TDRD12: variants seen among roughly 807,000 people sequenced by gnomAD.
TDRD12 encodes tudor domain containing 12.
TDRD12 carries 158 observed loss-of-function variants against 133.5 expected under a neutral mutation model. The ratio of observed to expected loss-of-function variants is 1.18; its 90% CI spans 1.04 to 1.35. The LOEUF (loss-of-function observed/expected upper bound fraction) is 1.35, where lower values mean the gene tolerates loss of function less well. TDRD12 is among the 40% of genes most tolerant of loss of function. The pLI is 0.00. For synonymous variants in TDRD12, 460 were observed against 477.9 expected (o/e 0.96, Z 0.49); for missense variants, 1,443 against 1,321.3 (o/e 1.09, Z -1.43).
chr19:32,806,404 G>A (rs376356899), intron 21 of TDRD12, among the ~76,000 whole-genome samples: 22 of 147,894 alleles, frequency 1.5e-4, no homozygotes, highest in African/African-American at 5.0e-4. Context: ...GTGCAATGGC[G>A]TGATCTCAGC....
intron 8 of TDRD12, among the ~76,000 whole-genome samples, chr19:32,758,193 T>G (rs952694142): frequency 3.3e-5 from 5 of 152,142 alleles, no homozygotes; most frequent in African/African-American, 1.2e-4. Flanking sequence ...GAGAAGAATT[T>G]TATGGAGCGA....
chr19:32,811,962 C>T (rs1451595761), intron 24 of TDRD12, among the ~76,000 whole-genome samples: 1 of 152,214 alleles, frequency 6.6e-6, no homozygotes, highest in Non-Finnish European at 1.5e-5. Flanking sequence ...CAGGAGAGGC[C>T]AGGTGATTCC....
At chr19:32,796,116 T>A in intron 14 of TDRD12, 1 of 984,508 alleles carries the variant, frequency 1.0e-6, no homozygotes, top group Non-Finnish European at 1.2e-6. Flanking sequence ...GCTGCTGGTT[T>A]GTGGCTGTTA....
Position 32,811,113 on chromosome 19 carries a change from G to A in TDRD12, c.2838-97G>A, listed in dbSNP as rs1040167941. ...GTATAGAGTAAAATCATGGCGTTTT[G>A]GAGTCTTTTTATATGTTTTCCATTT... is the stretch of plus-strand genomic sequence containing the variant. On this transcript the variant is annotated intron_variant, in intron 23 of 27. Coordinates refer to ENST00000444215, the Ensembl canonical transcript of TDRD12. 7.3e-6 allele frequency: 7 copies of A among 952,586 alleles called. 1 individual carries two copies. 59.0% of individuals were successfully genotyped at this position (952,586 alleles called of 1,614,324 possible).
At position 32,779,132 on chromosome 19, in the gene TDRD12, G is replaced by T. The variant is rs1298707364; in HGVS notation, c.1121+1903G>T. ...ATAGCCAAGGCAGCCTGGAGGAGAG[G>T]CACCCTTTCCTTAAGGATGGCCAGT... On this transcript the variant is annotated intron_variant, in intron 11 of 27. Transcript: ENST00000444215. Among the ~76,000 whole-genome samples the T allele has an allele frequency of 2.0e-5, 3 of 151,952 alleles. No homozygotes were observed. In the South Asian group the frequency reaches 6.2e-4, roughly 32 times the overall value.
intron 6 of TDRD12, 127 bp downstream of exon 6, chr19:32,749,996 C>A: frequency 1.5e-6 from 1 of 648,998 alleles, no homozygotes; most frequent in African/African-American, 1.8e-5. Flanking sequence ...CTCTTAAGGT[C>A]TATCTTAGAC....
At chr19:32,724,687 G>T (rs917493435) in intron 1 of TDRD12, among the ~76,000 whole-genome samples, 1 of 152,054 alleles carries the variant, frequency 6.6e-6, no homozygotes, top group African/African-American at 2.4e-5. Flanking sequence ...GTGAACATAC[G>T]CATGTATGTC....
chr19:32,741,185 G>T (rs193295128), intron 3 of TDRD12, among the ~76,000 whole-genome samples: 3 of 152,156 alleles, frequency 2.0e-5, no homozygotes, highest in African/African-American at 7.2e-5. Context: ...CAGTTCAAGC[G>T]ATTCTCCTGC....
chr19:32,744,582 C>T (rs1443328086), intron 4 of TDRD12, among the ~76,000 whole-genome samples: 3 of 144,842 alleles, frequency 2.1e-5, no homozygotes, highest in South Asian at 2.2e-4. Context: ...TATATATATA[C>T]GTGTGCCCCG....
At chr19:32,749,063 T>C in intron 5 of TDRD12, among the ~76,000 whole-genome samples, 1 of 152,156 alleles carries the variant, frequency 6.6e-6, no homozygotes, top group Non-Finnish European at 1.5e-5. Context: ...ATAGGGTTGG[T>C]GGATGGGAAA....
chr19:32,793,400 A>G (rs1236073520), intron 13 of TDRD12, among the ~76,000 whole-genome samples: 3 of 152,266 alleles, frequency 2.0e-5, no homozygotes, highest in East Asian at 3.9e-4. Flanking sequence ...AGATGACCAC[A>G]TGGGTTTGCA....
intron 13 of TDRD12, among the ~76,000 whole-genome samples, chr19:32,791,577 G>T (rs900474853): frequency 7.2e-5 from 11 of 152,160 alleles, no homozygotes; most frequent in African/African-American, 2.7e-4. Context: ...AGATTCCACA[G>T]TCTTAGAAGA....
intron 27 of TDRD12, 45 bp downstream of exon 27, chr19:32,818,202 A>T (rs1967251699): frequency 1.5e-6 from 1 of 685,156 alleles, no homozygotes; most frequent in African/African-American, 1.8e-5. Context: ...TGCCAGGGAC[A>T]GGGGGCCATG....
At chr19:32,732,076 T>C (rs1969075118) in intron 2 of TDRD12, among the ~76,000 whole-genome samples, 193 bp downstream of exon 2, 3 of 152,162 alleles carry the variant, frequency 2.0e-5, no homozygotes, top group African/African-American at 7.2e-5. Context: ...CCATCTGGGC[T>C]CACCGCAACC....
At position 32,818,136 on chromosome 19, in the gene TDRD12, C is replaced by G. The variant is rs769227746; in HGVS notation, c.3362C>G (p.Ser1121Cys). 3.1e-5 allele frequency: 22 copies of G among 702,458 alleles called. 1 individual carries two copies. Among genetic ancestry groups the G allele is most frequent in the South Asian group, 3.1e-4 (21 of 67,516 alleles). The allele number at this position is 702,458 out of a possible 1,614,324, so 43.5% of individuals were successfully genotyped here. The change falls in exon 27 of 28, where the codon TCC (serine) becomes TGC (cysteine). Residue 1121 changes from serine to cysteine, a missense_variant. Ser to Cys is a moderately radical substitution (Grantham distance 112, BLOSUM62 -1). Coordinates refer to ENST00000444215, the Ensembl canonical transcript of TDRD12. ...CCTGCTCAAGACCAGGATCATCCAT[C>G]CGAGGAGCAGGGGGGGCAGGGGTGA...
At chr19:32,819,358 G>GT (rs1967299923) in intron 27 of TDRD12, among the ~76,000 whole-genome samples, 1 of 150,990 alleles carries the variant, frequency 6.6e-6, no homozygotes, top group Non-Finnish European at 1.5e-5. Context: ...ATGATCTAAA[G>GT]TTTTTTAGTT....
rs369361487 is a variant in TDRD12, at chr19:32,750,267, ATG to A, written c.582+401_582+402del. On this transcript the variant is annotated intron_variant, in intron 6 of 27. Coordinates refer to ENST00000444215, the Ensembl canonical transcript of TDRD12. The stretch of plus-strand genomic sequence containing the variant: ...CAAGCAGAAAGAAAGCGGACATCAT[ATG>A]TGAGTGGCCCCTACCTCTGCCAGGT... Among the ~76,000 whole-genome samples the A allele has an allele frequency of 3.5e-3, 535 of 152,060 alleles. 2 individuals carry two copies. Among genetic ancestry groups the A allele is most frequent in the African/African-American group, 0.013 (521 of 41,556 alleles).
Position 32,757,159 on chromosome 19 carries a change from T to C in TDRD12, c.865+29T>C, listed in dbSNP as rs1316648956. 5.3e-6 allele frequency: 8 copies of C among 1,501,960 alleles called. No homozygotes were observed. In the Admixed American group the frequency reaches 6.0e-5, roughly 11 times the overall value. The allele number at this position is 1,501,960 out of a possible 1,614,324, so 93.0% of individuals were successfully genotyped here. On this transcript the variant is annotated intron_variant, in intron 8 of 27. Coordinates refer to ENST00000444215, the Ensembl canonical transcript of TDRD12. Reference sequence around the variant, plus strand: ...AGTTCTGCTAATGTGGTTTATTTCATAGGCAGCATGAAAAAAATATTCTTA... The same window carrying C: ...AGTTCTGCTAATGTGGTTTATTTCACAGGCAGCATGAAAAAAATATTCTTA...
chr19:32,786,811 G>A (rs759347381), intron 11 of TDRD12, among the ~76,000 whole-genome samples: 1 of 152,080 alleles, frequency 6.6e-6, no homozygotes, highest in Admixed American at 6.6e-5. Flanking sequence ...GGTTATTCTA[G>A]TTAGCCATTC....
Sources: allele counts gnomAD v4.1 joint callset (sites outside exome capture counted in the v4.1 genomes callset), GRCh38; gene constraint gnomAD v4.1.1; transcripts MANE v1.5; gene names NCBI Gene and HGNC (gene_info 2026-07-23, HGNC 2026-07-21).